VWF: variants seen among roughly 807,000 people sequenced by gnomAD.
VWF encodes the protein von Willebrand factor.
VWF carries 176 observed loss-of-function variants against 308.6 expected under a neutral mutation model. The observed-to-expected ratio is 0.57, with a 90% CI of 0.50 to 0.65. The LOEUF is 0.65. VWF is among the 30% of genes least tolerant of loss of function. The probability of loss-of-function intolerance (pLI) is 0.00; values close to 1 mark genes in which losing one functional copy is unlikely to be tolerated. For synonymous variants in VWF, 1,385 were observed against 1,443.4 expected, an observed-to-expected ratio of 0.96 and a Z score of 0.92; for missense variants, 3,146 against 3,648.2, an observed-to-expected ratio of 0.86 and a Z score of 3.55.
intron 6 of VWF, among the ~76,000 whole-genome samples, chr12:6,079,688 G>C (rs1403614784): frequency 1.3e-5 from 2 of 152,088 alleles, no homozygotes; most frequent in African/African-American, 4.8e-5. Context: ...CTGGGATGCA[G>C]GTAGTGACCA....
chr12:6,032,455 C>T (rs1019547306), intron 20 of VWF, among the ~76,000 whole-genome samples: 9 of 150,918 alleles, frequency 6.0e-5, no homozygotes, highest in Non-Finnish European at 1.0e-4. Flanking sequence ...CTGGTTAACA[C>T]GGTGAAACCC....
At chr12:5,984,117 T>C (rs1330747838) in intron 40 of VWF, among the ~76,000 whole-genome samples, 1 of 152,194 alleles carries the variant, frequency 6.6e-6, no homozygotes, top group African/African-American at 2.4e-5. Flanking sequence ...TCAACTTGGA[T>C]CCTCTAGACC....
intron 13 of VWF, among the ~76,000 whole-genome samples, chr12:6,059,587 C>T (rs576698316): frequency 6.6e-5 from 10 of 152,096 alleles, no homozygotes; most frequent in Admixed American, 2.6e-4. Flanking sequence ...ATAGATGGTG[C>T]CTTCTAGCTG....
chr12:5,949,138 G>A lies in VWF; in HGVS notation c.8319C>T (p.Cys2773=). Residue 2773 remains cysteine (C), a synonymous_variant, in exon 52 of 52, where the codon TGC becomes TGT. Coordinates refer to ENST00000261405, the MANE Select transcript of VWF (RefSeq NM_000552.5). ...TGGGCTCCGTCCGTGTCGGAGAGCAGCAGGAGCACTGGTCCTGCACATCGT... is the reference window on the plus strand; with the variant it reads ...TGGGCTCCGTCCGTGTCGGAGAGCAACAGGAGCACTGGTCCTGCACATCGT... ...DINDVQDQCS[C]CSPTRTEPMQ... 2 of 1,614,260 alleles carry A rather than the reference G, an allele frequency of 1.2e-6. No homozygotes were observed. Among genetic ancestry groups the A allele is most frequent in the Non-Finnish European group, 1.7e-6 (2 of 1,180,046 alleles).
Position 5,967,889 on chromosome 12 carries a change from G to A in VWF, c.7770+238C>T, listed in dbSNP as rs1437393602. Among the ~76,000 whole-genome samples, 4 of 152,218 alleles carry A rather than the reference G, an allele frequency of 2.6e-5. No individual in the cohort carries two copies. In the East Asian group the frequency reaches 5.8e-4, roughly 22 times the overall value. ...GTGCTTCTCTGCACACAGAAGAAAT[G>A]CACAGGTGCCTGAGGTGGGGGCCAG... On this transcript the variant is annotated intron_variant, in intron 46 of 51. Transcript: ENST00000261405.
intron 41 of VWF, 136 bp downstream of exon 41, chr12:5,983,014 T>G: frequency 2.3e-6 from 2 of 874,970 alleles, no homozygotes; most frequent in South Asian, 3.0e-5. Flanking sequence ...CTGTTCCAGA[T>G]GTACTCCCAA....
chr12:5,970,926 G>A (rs980899046), intron 44 of VWF, among the ~76,000 whole-genome samples: 8 of 152,316 alleles, frequency 5.3e-5, no homozygotes, highest in East Asian at 1.9e-4. Flanking sequence ...GACTAAAACC[G>A]CCAAAGACGG....
chr12:6,118,834 G>A (rs1945398809), intron 3 of VWF, among the ~76,000 whole-genome samples: 2 of 152,182 alleles, frequency 1.3e-5, no homozygotes, highest in African/African-American at 4.8e-5. Context: ...AGGTAGGGAG[G>A]GCATGAGCCT....
At position 5,984,694 on chromosome 12, in the gene VWF, T is replaced by C. The variant is rs530606268; in HGVS notation, c.6976+351A>G. ...AACCTGCTGAACTCAAGGTGCCCAG[T>C]GTGTGGTCTTCTCTATATCTAGCAG... is the stretch of plus-strand genomic sequence containing the variant. On this transcript the variant is annotated intron_variant, in intron 40 of 51. Transcript: ENST00000261405. 5.3e-5 allele frequency among the ~76,000 whole-genome samples: 8 copies of C among 152,354 alleles called. No homozygotes were observed. In the South Asian group the frequency reaches 1.7e-3, roughly 32 times the overall value.
At position 6,061,452 on chromosome 12, in the gene VWF, A is replaced by G. The variant is rs73265000; in HGVS notation, c.1533+1502T>C. ...TTCCTGCTTTATGGTCTGTGGTTGC[A>G]GGTTTATTTTCATAAAAGGAAAAAA... On this transcript the variant is annotated intron_variant, in intron 13 of 51. Transcript: ENST00000261405. 8.3e-3 allele frequency among the ~76,000 whole-genome samples: 1,239 copies of G among 149,052 alleles called. 11 individuals are homozygous for G. Among genetic ancestry groups the G allele is most frequent in the African/African-American group, 0.029 (1,171 of 39,736 alleles).
rs1033124392 is a variant in VWF at position 6,044,463 on chromosome 12, G to T, written c.2282-12C>A. ...TAGGCTCCTTTTGCCTCGAAGGTAG[G>T]AAAAGCAAAGAGATGATTAGTGAAG... On this transcript the variant is annotated splice_polypyrimidine_tract_variant and intron_variant, in intron 17 of 51. Transcript: ENST00000261405. 5 of 1,613,446 alleles carry T rather than the reference G, an allele frequency of 3.1e-6. No homozygotes were observed. Among genetic ancestry groups the T allele is most frequent in the Admixed American group, 3.3e-5 (2 of 59,922 alleles).
intron 31 of VWF, among the ~76,000 whole-genome samples, chr12:6,015,808 T>C (rs1026902354): frequency 1.3e-5 from 2 of 152,190 alleles, no homozygotes; most frequent in African/African-American, 4.8e-5. Flanking sequence ...AGAAAGGGCA[T>C]AGAGGTATGA....
At position 6,020,192 on chromosome 12, in the gene VWF, A is replaced by G. The variant is rs572209819; in HGVS notation, c.3675-449T>C. On this transcript the variant is annotated intron_variant, in intron 27 of 51. Coordinates refer to ENST00000261405, the MANE Select transcript of VWF (RefSeq NM_000552.5). This position sits in a 1 kb window ranked among gnomAD's most constrained non-coding sequence, Gnocchi z 4.3. ...GTTTGTACATGTTCTGTTGAAGATA[A>G]ATGCTTTACAGTACATATTCTAACA... is the stretch of plus-strand genomic sequence containing the variant. Among the ~76,000 whole-genome samples the G allele has an allele frequency of 6.6e-6, 1 of 152,372 alleles. No individual in the cohort carries two copies. The highest frequency in any genetic ancestry group is 2.4e-5 in the African/African-American group (1 of 41,584).
chr12:6,019,256 G>A lies in VWF; in HGVS notation c.4162C>T (p.Gln1388Ter), dbSNP rs1205530944. The A allele has an allele frequency of 6.2e-7, 1 of 1,613,888 alleles. No homozygotes were observed. ...TTCCGGGACATCCGTTGGGGCTCCT[G>A]GCTGGCCATCAGGAGCAGGGTGATG... ...SRITLLLMAS[Q>*]EPQRMSRNFV... Residue 1388 changes from glutamine (Q) to a stop codon, truncating the protein, a stop_gained, in exon 28 of 52, where the codon CAG becomes TAG. Transcript: ENST00000261405. LOFTEE classifies it high-confidence loss of function. The surrounding 1 kb of genome is among the most constrained non-coding windows in gnomAD (Gnocchi z 5.8).
chr12:6,092,626 T>TGAGAGAGAGAGAGAGAGAGAGAGAGA (rs1242670462), intron 6 of VWF, among the ~76,000 whole-genome samples: 1 of 83,492 alleles, frequency 1.2e-5, no homozygotes, highest in African/African-American at 6.4e-5. Flanking sequence ...AGAGTGTGTG[T>TGAGAGAGAGAGAGAGAGAGAGAGAGA]GTGTGTGTGT....
At chr12:6,036,583 G>T in intron 18 of VWF, 92 bp from the exon 19 acceptor site, 2 of 1,209,006 alleles carry the variant, frequency 1.7e-6, no homozygotes, top group South Asian at 2.5e-5. Context: ...TCTGAGACTT[G>T]AGCCTACGGG....
In VWF at chr12:5,994,567, C is replaced by T. The variant is rs186806674; in HGVS notation, c.6104G>A (p.Gly2035Asp). ...ATAAACGTTGACTTCCATGTTCCCA[C>T]CCACGTAAGGAACAGAGACCAGTCT... is the stretch of plus-strand genomic sequence containing the variant. ...NGRLVSVPYVGGNMEVNVYGA... is the reference protein window; with the variant it reads ...NGRLVSVPYVDGNMEVNVYGA... Residue 2035 changes from glycine to aspartate, a missense_variant, in exon 36 of 52, where the codon GGT becomes GAT. This residue lies in a region of VWF where 989 missense variants were observed against 1,117.4 expected (regional missense o/e 0.89). Coordinates refer to ENST00000261405, the MANE Select transcript of VWF (RefSeq NM_000552.5). The T allele has an allele frequency of 1.2e-4, 199 of 1,613,892 alleles. 2 individuals carry two copies. The East Asian group carries it at 4.1e-3, about 34-fold the overall frequency.
At chr12:6,031,030 C>CA (rs1305262999) in intron 21 of VWF, among the ~76,000 whole-genome samples, 3 of 151,882 alleles carry the variant, frequency 2.0e-5, no homozygotes, top group East Asian at 3.9e-4. Flanking sequence ...GACTCCATCT[C>CA]AAAAAAATAA....
intron 34 of VWF, among the ~76,000 whole-genome samples, chr12:5,996,756 A>G (rs1387910366): frequency 1.4e-5 from 2 of 147,858 alleles, no homozygotes; most frequent in African/African-American, 4.9e-5. Flanking sequence ...GAGCCAAAAA[A>G]AAAAAAAAAA....
Sources: gnomAD v4.1 joint callset for allele counts (sites outside exome capture counted in the v4.1 genomes callset) on GRCh38, gnomAD v4.1.1 for gene constraint, gnomAD v4.1.1 regional missense constraint, Gnocchi (gnomAD v3.1) non-coding constraint, MANE v1.5 for transcripts, NCBI Gene and HGNC (gene_info 2026-07-23, HGNC 2026-07-21) for gene names.